The following WWOX variants were observed in gnomAD, a reference collection of about 807,000 sequenced individuals.
WWOX encodes the protein WW domain containing oxidoreductase.
WWOX carries 69 observed loss-of-function variants against 46.2 expected under a neutral mutation model. The observed-to-expected ratio is 1.49, with a 90% confidence interval of 1.23 to 1.82. WWOX has a LOEUF of 1.82. WWOX is among the 40% of genes most tolerant of loss of function. The pLI, the probability that WWOX is intolerant of heterozygous loss-of-function variation, is 0.00. For missense variants in WWOX, 919 were observed against 542.6 expected (o/e 1.69, Z -6.89); for synonymous variants, 359 against 202.6 (o/e 1.77, Z -6.56).
intron 4 of WWOX, among the ~76,000 whole-genome samples, chr16:78,116,480 A>AT (rs1054571332): frequency 1.1e-4 from 16 of 151,826 alleles, no homozygotes; most frequent in Admixed American, 3.3e-4. Flanking sequence ...GCAAATGGAA[A>AT]TTTTTTTTTA....
At chr16:78,702,007 T>TTATATATATATATATA (rs869227421) in intron 8 of WWOX, among the ~76,000 whole-genome samples, 182 of 57,590 alleles carry the variant, frequency 3.2e-3, no homozygotes, top group South Asian at 5.2e-3. Context: ...CTACATAAAA[T>TTATATATATATATATA]TATATATATA....
At chr16:78,957,607 G>A (rs562115746) in intron 8 of WWOX, among the ~76,000 whole-genome samples, 1 of 152,208 alleles carries the variant, frequency 6.6e-6, no homozygotes, top group Admixed American at 6.5e-5. Context: ...CGTTACTGAG[G>A]TATGTCTCTT....
At chr16:78,240,691 C>T (rs563971198) in intron 5 of WWOX, among the ~76,000 whole-genome samples, 34 of 152,300 alleles carry the variant, frequency 2.2e-4, no homozygotes, top group African/African-American at 7.7e-4. Context: ...AACTGTCATT[C>T]CAGAGCAGCC....
chr16:78,417,038 G>GTGTGTGTGTGTGTGTGTGTGTGTGTGTGT (rs1555535302), intron 6 of WWOX, among the ~76,000 whole-genome samples: 4 of 115,516 alleles, frequency 3.5e-5, no homozygotes, highest in African/African-American at 2.4e-4. Context: ...TGACCCTTTG[G>GTGTGTGTGTGTGTGTGTGTGTGTGTGTGT]GGGTGTGTGT....
At chr16:78,572,712 A>G (rs1325779881) in intron 8 of WWOX, among the ~76,000 whole-genome samples, 2 of 151,438 alleles carry the variant, frequency 1.3e-5, no homozygotes, top group Admixed American at 6.6e-5. Context: ...AGGATATTTG[A>G]TAAAACTATA....
intron 8 of WWOX, among the ~76,000 whole-genome samples, chr16:79,029,273 C>A (rs954219951): frequency 2.0e-5 from 3 of 152,194 alleles, no homozygotes; most frequent in Admixed American, 6.5e-5. Context: ...CACGCGGAAA[C>A]TGGATGTTTC....
intron 8 of WWOX, among the ~76,000 whole-genome samples, chr16:79,074,974 C>T (rs998189534): frequency 4.6e-5 from 7 of 152,264 alleles, no homozygotes; most frequent in East Asian, 3.9e-4. Context: ...AACGTCAGCT[C>T]TCTCAACTTC....
chr16:78,400,878 C>T (rs1567550192), intron 6 of WWOX, among the ~76,000 whole-genome samples: 1 of 152,228 alleles, frequency 6.6e-6, no homozygotes. Context: ...GACTGGTGTG[C>T]AGTGGCACGA....
rs534658668 is a variant in WWOX, at chr16:78,655,953, C to T, written c.1056+223201C>T. Among the ~76,000 whole-genome samples, 77 of 152,166 alleles carry T rather than the reference C, an allele frequency of 5.1e-4. 2 individuals are homozygous for T. In the South Asian group the frequency reaches 0.016, roughly 32 times the overall value. The stretch of plus-strand genomic sequence containing the variant: ...GCATCTTAAAATCCACAATGCACAG[C>T]CTGGGGAGAAGCCTTGGTTTTGCCA... On this transcript the variant is annotated intron_variant, in intron 8 of 8. Transcript: ENST00000566780.
intron 8 of WWOX, among the ~76,000 whole-genome samples, chr16:78,907,004 G>C (rs897165722): frequency 6.6e-6 from 1 of 152,176 alleles, no homozygotes; most frequent in African/African-American, 2.4e-5. Flanking sequence ...AGATAAAGCC[G>C]ATTTATCTAG....
At chr16:78,381,762 G>C (rs920581301) in intron 5 of WWOX, among the ~76,000 whole-genome samples, 1 of 152,162 alleles carries the variant, frequency 6.6e-6, no homozygotes, top group Non-Finnish European at 1.5e-5. Flanking sequence ...TGGATGGATG[G>C]ATGAATGGAT....
intron 2 of WWOX, 54 bp from the exon 3 acceptor site, chr16:78,109,724 G>C: frequency 6.2e-7 from 1 of 1,601,108 alleles, no homozygotes; most frequent in Non-Finnish European, 8.6e-7. Context: ...CCTGACCCAG[G>C]GATGGTCTTT....
chr16:78,950,533 TACACACACACACACACAC>T (rs141591649), intron 8 of WWOX, among the ~76,000 whole-genome samples: 1 of 146,960 alleles, frequency 6.8e-6, no homozygotes, highest in African/African-American at 2.5e-5. Context: ...CACACACACA[TACACACACACACACACAC>T]ACACACACAC....
At chr16:78,923,794 G>GTTTTTTTTTTTTTTTTTTTTT (rs56852814) in intron 8 of WWOX, among the ~76,000 whole-genome samples, 1 of 102,166 alleles carries the variant, frequency 9.8e-6, no homozygotes. Flanking sequence ...TTTTTAGTTA[G>GTTTTTTTTTTTTTTTTTTTTT]TTTTTTTTTT....
At chr16:79,036,927 C>T (rs745842128) in intron 8 of WWOX, among the ~76,000 whole-genome samples, 11 of 152,112 alleles carry the variant, frequency 7.2e-5, no homozygotes, top group Non-Finnish European at 1.3e-4. Flanking sequence ...TCTGAAGATA[C>T]GTATTTCTCA....
intron 8 of WWOX, among the ~76,000 whole-genome samples, chr16:78,679,431 A>T (rs146553476): frequency 5.6e-4 from 85 of 152,252 alleles, no homozygotes; most frequent in African/African-American, 1.9e-3. Flanking sequence ...TGGGCCTGTA[A>T]TCCCAGCTAC....
intron 8 of WWOX, among the ~76,000 whole-genome samples, chr16:78,686,702 T>C (rs1013162455): frequency 3.3e-5 from 5 of 152,104 alleles, no homozygotes; most frequent in African/African-American, 4.8e-5. Flanking sequence ...AATCCAGTTG[T>C]TTTAGGAAAG....
chr16:78,699,546 CGAAAAACGAAA>C (rs2048169002), intron 8 of WWOX, among the ~76,000 whole-genome samples: 1 of 151,924 alleles, frequency 6.6e-6, no homozygotes, highest in African/African-American at 2.4e-5. Context: ...CTCAAGAAAC[CGAAAAACGAAA>C]GAAAAACAAG....
intron 8 of WWOX, among the ~76,000 whole-genome samples, chr16:78,612,884 G>T (rs1486497298): frequency 6.6e-6 from 1 of 152,280 alleles, no homozygotes; most frequent in South Asian, 2.1e-4. Context: ...GTCCCTTAGG[G>T]TAACATGAGT....
Sources: gnomAD v4.1 joint callset for allele counts (sites outside exome capture counted in the v4.1 genomes callset) on GRCh38, gnomAD v4.1.1 for gene constraint, MANE v1.5 for transcripts, NCBI Gene and HGNC (gene_info 2026-07-23, HGNC 2026-07-21) for gene names.